PUM1: variants seen among roughly 807,000 people sequenced by gnomAD.
PUM1 encodes the protein pumilio RNA binding family member 1.
A neutral mutation model predicts 131.8 loss-of-function variants in PUM1; 13 were observed. That is an observed-to-expected ratio of 0.10 (90% CI 0.06 to 0.16). The LOEUF (loss-of-function observed/expected upper bound fraction) is 0.16, where lower values mean the gene tolerates loss of function less well. Among genes scored for constraint, PUM1 ranks in the 10% least tolerant of loss-of-function variants. The pLI is 1.00. For missense variants in PUM1, 961 were observed against 1,512.4 expected (o/e 0.64, Z 6.05); for synonymous variants, 509 against 556.5 (o/e 0.91, Z 1.20).
chr1:30,932,665 A>ATATT lies in PUM1; in HGVS notation c.*545_*546insAATA, dbSNP rs1491530526. ...TATATATATATATATATATATATAT[A>ATATT]TTTTTTATAAACAGTGTTAAATGCC... On this transcript the variant is annotated 3_prime_UTR_variant, in exon 22 of 22. Coordinates refer to ENST00000426105, the MANE Select transcript of PUM1 (RefSeq NM_001020658.2). The ATATT allele has an allele frequency of 5.4e-4, 38 of 70,620 alleles. No homozygotes were observed. Among genetic ancestry groups the ATATT allele is most frequent in the Non-Finnish European group, 8.1e-4 (24 of 29,606 alleles). The allele number at this position is 70,620 out of a possible 1,614,324, so 4.4% of individuals were successfully genotyped here. A position where few individuals can be genotyped will look rare whatever the true frequency, so the allele number is the denominator to read the frequency against.
chr1:30,996,561 A>T (rs1252555152), intron 5 of PUM1, among the ~76,000 whole-genome samples: 1 of 152,226 alleles, frequency 6.6e-6, no homozygotes, highest in Admixed American at 6.5e-5. Context: ...AAGATAATAT[A>T]AAAAAAGAAC....
chr1:30,958,963 TTGAG>T (rs1298937064), intron 14 of PUM1, among the ~76,000 whole-genome samples: 1 of 152,110 alleles, frequency 6.6e-6, no homozygotes, highest in Non-Finnish European at 1.5e-5. Context: ...GAGAGGAAGA[TTGAG>T]AGAGAGATTT....
In PUM1 at chr1:30,980,078, A is replaced by G. The variant is rs1641300277; in HGVS notation, c.1338T>C (p.Ala446=). 1 of 1,607,568 alleles carries G rather than the reference A, an allele frequency of 6.2e-7. No homozygotes were observed. Among genetic ancestry groups the G allele is most frequent in the Non-Finnish European group, 8.5e-7 (1 of 1,177,156 alleles). ...ATGTCTCACCTAGTGTCGCTGCTGC[A>G]GCCAATCCAGCTGTGTAGGGGTCCG... ...PGTDPYTAGL[A]AAATLGPAVV... The change falls in exon 9 of 22, where the codon GCT becomes GCC. Residue 446 remains alanine, a synonymous_variant. Coordinates refer to ENST00000426105, the MANE Select transcript of PUM1 (RefSeq NM_001020658.2).
intron 14 of PUM1, among the ~76,000 whole-genome samples, chr1:30,954,729 A>C (rs949252290): frequency 6.6e-6 from 1 of 152,154 alleles, no homozygotes; most frequent in Non-Finnish European, 1.5e-5. Context: ...AATAATTGTG[A>C]ATCACAGATA....
At chr1:31,048,622 G>A (rs1434083633) in intron 2 of PUM1, among the ~76,000 whole-genome samples, 2 of 151,380 alleles carry the variant, frequency 1.3e-5, no homozygotes, top group African/African-American at 4.8e-5. Context: ...CTACAGGCGC[G>A]TGCCACCATG....
At chr1:30,950,312 C>T (rs1229635986) in intron 16 of PUM1, 51 bp from the exon 17 acceptor site, 17 of 1,568,992 alleles carry the variant, frequency 1.1e-5, no homozygotes, top group Admixed American at 1.8e-5. Context: ...AGGAAATAAA[C>T]CAGAGAAAGC....
At chr1:30,983,508 G>GTA (rs1323903368) in intron 7 of PUM1, among the ~76,000 whole-genome samples, 2 of 152,156 alleles carry the variant, frequency 1.3e-5, no homozygotes, top group Non-Finnish European at 2.9e-5. Context: ...AAAAAAGACA[G>GTA]TATGTTCAGA....
intron 14 of PUM1, among the ~76,000 whole-genome samples, chr1:30,962,746 T>C (rs907030135): frequency 1.3e-5 from 2 of 152,188 alleles, no homozygotes; most frequent in African/African-American, 4.8e-5. Flanking sequence ...TATTAGAAGA[T>C]AGCTACGTAT....
In PUM1 at chr1:31,059,370, G is replaced by A; in HGVS notation, c.197C>T (p.Pro66Leu). 1 of 1,614,162 alleles carries A rather than the reference G, an allele frequency of 6.2e-7. No homozygotes were observed. Among genetic ancestry groups the A allele is most frequent in the Non-Finnish European group, 8.5e-7 (1 of 1,180,040 alleles). ...LAAGTHSSPV[P>L]GSIGVAGRSQ... ...ACGGCCTGCAACTCCTATAGATCCT[G>A]GGACAGGGCTGGAGTGAGTCCCAGC... is the stretch of plus-strand genomic sequence containing the variant. The change falls in exon 2 of 22, where the codon CCA (proline) becomes CTA (leucine). Residue 66 changes from proline (P) to leucine (L), a missense_variant. Coordinates refer to ENST00000426105, the MANE Select transcript of PUM1 (RefSeq NM_001020658.2).
At chr1:31,038,984 A>ATATATATTTTTTTTTTTTTTTT in intron 2 of PUM1, among the ~76,000 whole-genome samples, 8 of 49,416 alleles carry the variant, frequency 1.6e-4, no homozygotes, top group African/African-American at 1.4e-3. Flanking sequence ...ATATATATAT[A>ATATATATTTTTTTTTTTTTTTT]TTTTTTTTTT....
chr1:30,966,197 C>T lies in PUM1; in HGVS notation c.1871G>A (p.Gly624Glu), dbSNP rs1640612309. 6.2e-7 allele frequency: 1 copy of T among 1,613,878 alleles called. No homozygotes were observed. Among genetic ancestry groups the T allele is most frequent in the Non-Finnish European group, 8.5e-7 (1 of 1,179,976 alleles). ...GTTNGPFRPL[G>E]TQQPQPQPQQ... ...GGGCTGGGGCTGAGGCTGCTGTGTT[C>T]CTAAAGGGCGAAATGGTCCATTTGT... The change falls in exon 13 of 22, where the codon GGA (glycine) becomes GAA (glutamate). Residue 624 changes from glycine to glutamate, a missense_variant. Coordinates refer to ENST00000426105, the MANE Select transcript of PUM1 (RefSeq NM_001020658.2).
At chr1:31,059,089 G>T in intron 2 of PUM1, 115 bp downstream of exon 2, 2 of 1,216,336 alleles carry the variant, frequency 1.6e-6, no homozygotes, top group Non-Finnish European at 1.1e-6. Flanking sequence ...GTAACTGTTT[G>T]TACCAAATGA....
intron 11 of PUM1, among the ~76,000 whole-genome samples, chr1:30,967,779 T>TC (rs1407143519): frequency 6.6e-5 from 10 of 152,214 alleles, no homozygotes; most frequent in African/African-American, 2.2e-4. Flanking sequence ...CGCTGACATC[T>TC]CTCAAAGACT....
chr1:31,045,853 G>A (rs562849523), intron 2 of PUM1, among the ~76,000 whole-genome samples: 5 of 152,126 alleles, frequency 3.3e-5, no homozygotes, highest in East Asian at 1.9e-4. Context: ...AGGCTGAAGC[G>A]GGTGGATCAC....
chr1:30,966,984 C>T (rs1640647975), intron 12 of PUM1, 183 bp downstream of exon 12: 1 of 610,968 alleles, frequency 1.6e-6, no homozygotes. Context: ...AACCCACCAA[C>T]CCCCCAACAA....
At chr1:30,994,167 A>T (rs1245301826) in intron 6 of PUM1, among the ~76,000 whole-genome samples, 3 of 152,366 alleles carry the variant, frequency 2.0e-5, no homozygotes, top group Middle Eastern at 6.8e-3. Context: ...ATACAAAACA[A>T]CTGACACTTG....
At chr1:30,987,683 T>C (rs1347008578) in intron 7 of PUM1, among the ~76,000 whole-genome samples, 1 of 152,196 alleles carries the variant, frequency 6.6e-6, no homozygotes, top group Non-Finnish European at 1.5e-5. Flanking sequence ...GAAGAACATT[T>C]TAGAAATAAC....
chr1:30,970,901 G>A (rs1640849862), intron 10 of PUM1, among the ~76,000 whole-genome samples: 1 of 152,170 alleles, frequency 6.6e-6, no homozygotes, highest in Non-Finnish European at 1.5e-5. Flanking sequence ...GGCAGGTGTG[G>A]TAGAGTGGAC....
At chr1:31,054,470 G>A (rs1186180477) in intron 2 of PUM1, among the ~76,000 whole-genome samples, 1 of 146,652 alleles carries the variant, frequency 6.8e-6, no homozygotes, top group African/African-American at 2.5e-5. Context: ...TACTTCGCTA[G>A]TTCACTAGTG....
Sources: allele counts gnomAD v4.1 joint callset (sites outside exome capture counted in the v4.1 genomes callset), GRCh38; gene constraint gnomAD v4.1.1; transcripts MANE v1.5; gene names NCBI Gene and HGNC (gene_info 2026-07-23, HGNC 2026-07-21).